The following CTNNA1 variants were observed in gnomAD, a reference collection of about 807,000 sequenced individuals.
CTNNA1 encodes the protein catenin alpha 1.
In CTNNA1, 37 loss-of-function variants were observed where a neutral mutation model predicts 98.4. That is an observed-to-expected ratio of 0.38 (90% confidence interval 0.29 to 0.49). The LOEUF (loss-of-function observed/expected upper bound fraction) is 0.49, where lower values mean the gene tolerates loss of function less well. CTNNA1 is among the 20% of genes least tolerant of loss of function. CTNNA1 has a pLI of 0.95. For missense variants in CTNNA1, 761 were observed against 1,147.2 expected, an observed-to-expected ratio of 0.66 and a Z score of 4.86; for synonymous variants, 404 against 413.2, an observed-to-expected ratio of 0.98 and a Z score of 0.27.
intron 1 of CTNNA1, among the ~76,000 whole-genome samples, chr5:138,774,771 A>G (rs1372507873): frequency 2.0e-5 from 3 of 151,930 alleles, no homozygotes; most frequent in African/African-American, 4.8e-5. Context: ...ACAGGCGCCC[A>G]CCACCGCACC....
chr5:138,855,015 A>G (rs1763598343), intron 7 of CTNNA1, among the ~76,000 whole-genome samples: 1 of 152,188 alleles, frequency 6.6e-6, no homozygotes, highest in African/African-American at 2.4e-5. Context: ...CAAACCCATG[A>G]TTGGCTTTTT....
intron 1 of CTNNA1, chr5:138,754,761 T>C (rs925867646): frequency 2.0e-5 from 3 of 152,232 alleles, no homozygotes; most frequent in African/African-American, 7.2e-5. Context: ...TCTGGACTTT[T>C]GAACAAACAT....
At chr5:138,864,185 T>C (rs1163146919) in intron 7 of CTNNA1, among the ~76,000 whole-genome samples, 1 of 152,222 alleles carries the variant, frequency 6.6e-6, no homozygotes, top group African/African-American at 2.4e-5. Context: ...CTCAAAGTCT[T>C]GACCTCAAGT....
intron 5 of CTNNA1, among the ~76,000 whole-genome samples, chr5:138,819,060 A>C (rs1387554110): frequency 1.3e-5 from 1 of 76,632 alleles, no homozygotes; most frequent in Admixed American, 1.6e-4. Context: ...AGGGCACAGC[A>C]TTGGCGTGAT....
intron 7 of CTNNA1, among the ~76,000 whole-genome samples, chr5:138,828,515 C>G (rs1241166643): frequency 1.3e-5 from 2 of 151,742 alleles, no homozygotes; most frequent in Non-Finnish European, 2.9e-5. Context: ...GACCTTGGAC[C>G]CAATATTTTA....
chr5:138,855,841 G>A (rs1359405425), intron 7 of CTNNA1, among the ~76,000 whole-genome samples: 1 of 152,312 alleles, frequency 6.6e-6, no homozygotes, highest in East Asian at 1.9e-4. Context: ...AGAAATTTGA[G>A]TTGTTAGCTA....
At chr5:138,910,226 C>CTTTTTTTTTTT (rs70982740) in intron 10 of CTNNA1, among the ~76,000 whole-genome samples, 6 of 53,232 alleles carry the variant, frequency 1.1e-4, no homozygotes, top group African/African-American at 4.7e-4. Flanking sequence ...TCCTACTTTT[C>CTTTTTTTTTTT]TTTTTTTTTT....
chr5:138,844,736 T>A (rs545493295), intron 7 of CTNNA1, among the ~76,000 whole-genome samples: 1 of 152,282 alleles, frequency 6.6e-6, no homozygotes, highest in South Asian at 2.1e-4. Flanking sequence ...ACCTATTATT[T>A]TATTATTATA....
intron 1 of CTNNA1, among the ~76,000 whole-genome samples, chr5:138,777,900 G>A (rs1466372148): frequency 1.1e-5 from 1 of 92,758 alleles, no homozygotes; most frequent in Non-Finnish European, 2.2e-5. Flanking sequence ...AGGAGGGAGA[G>A]GGAGAGGAGG....
Position 138,827,361 on chromosome 5 carries a change from G to GT in CTNNA1, c.859-153dup, listed in dbSNP as rs28363411. ...AGTGATCAACAGTAGGCCATCTTCT[G>GT]TGGGACAGCCCCTTACCTGCTAAGA... On this transcript the variant is annotated intron_variant, in intron 6 of 17. Transcript: ENST00000302763. 0.012 allele frequency among the ~76,000 whole-genome samples: 1,780 copies of GT among 152,318 alleles called. 29 individuals are homozygous for GT. The highest frequency in any genetic ancestry group is 0.041 in the African/African-American group (1,697 of 41,562).
chr5:138,767,467 C>G (rs958598269), intron 1 of CTNNA1, among the ~76,000 whole-genome samples: 1 of 152,204 alleles, frequency 6.6e-6, no homozygotes, highest in African/African-American at 2.4e-5. Context: ...GAAACAGCCT[C>G]CCTGCCCTCA....
chr5:138,931,777 A>G lies in CTNNA1; in HGVS notation c.2299-801A>G, dbSNP rs960727739. The G allele has an allele frequency of 4.1e-6, 4 of 985,410 alleles. No homozygotes were observed. In the African/African-American group the frequency reaches 7.0e-5, roughly 17 times the overall value. 61.0% of individuals were successfully genotyped at this position (985,410 alleles called of 1,614,324 possible). Reference sequence around the variant, plus strand: ...CACATGGCTCTGCCCTGCTTCCATGACTACTTAGAATACAGCTCATCTCCA... The same window carrying G: ...CACATGGCTCTGCCCTGCTTCCATGGCTACTTAGAATACAGCTCATCTCCA... On this transcript the variant is annotated intron_variant, in intron 16 of 17. Transcript: ENST00000302763.
At chr5:138,871,681 C>G (rs1210077963) in intron 7 of CTNNA1, 1 of 152,224 alleles carries the variant, frequency 6.6e-6, no homozygotes, top group Non-Finnish European at 1.5e-5. Context: ...TCCCTCACCT[C>G]TGTGCTGCCT....
intron 7 of CTNNA1, among the ~76,000 whole-genome samples, chr5:138,829,040 T>G (rs566719230): frequency 2.4e-4 from 37 of 152,092 alleles, no homozygotes; most frequent in South Asian, 1.7e-3. Flanking sequence ...AAGAATCGCT[T>G]AAGCCTGGGA....
In CTNNA1 at chr5:138,812,375, T is replaced by C. The variant is rs13154573; in HGVS notation, c.588+73T>C. 388,572 of 1,514,378 alleles carry C rather than the reference T, an allele frequency of 0.26. 54,094 individuals are homozygous for C. Among genetic ancestry groups the C allele is most frequent in the Non-Finnish European group, 0.28 (312,191 of 1,123,208 alleles). The allele number at this position is 1,514,378 out of a possible 1,614,324, so 93.8% of individuals were successfully genotyped here. ...TAGAGGGAAAAACTCATTCTGTGTG[T>C]TTTCTGAAAGTACCATTACTTACCT... On this transcript the variant is annotated intron_variant, in intron 5 of 17. Coordinates refer to ENST00000302763, the MANE Select transcript of CTNNA1 (RefSeq NM_001903.5).
At chr5:138,754,124 G>C (rs1341939670) in intron 1 of CTNNA1, 1 of 152,216 alleles carries the variant, frequency 6.6e-6, no homozygotes, top group African/African-American at 2.4e-5. Context: ...GTGGACTTTT[G>C]GCGTGACCGT....
In CTNNA1 at chr5:138,914,143, C is replaced by T. The variant is rs1172943134; in HGVS notation, c.1390-3599C>T. On this transcript the variant is annotated intron_variant, in intron 10 of 17. Transcript: ENST00000302763. ...ACTAACCTTAGGCAAGGTGCTTCCC[C>T]TCATTATACTGTATGCGATATATTA... is the stretch of plus-strand genomic sequence containing the variant. 2.2e-4 allele frequency among the ~76,000 whole-genome samples: 33 copies of T among 152,166 alleles called. 1 individual carries two copies. The highest frequency in any genetic ancestry group is 2.1e-3 in the Admixed American group (32 of 15,278).
At chr5:138,805,650 T>C (rs1216171362) in intron 3 of CTNNA1, among the ~76,000 whole-genome samples, 1 of 152,048 alleles carries the variant, frequency 6.6e-6, no homozygotes, top group Non-Finnish European at 1.5e-5. Flanking sequence ...CAGGTCTTGC[T>C]ATGTTGCCCA....
chr5:138,782,357 TCTCA>T (rs1269547989), intron 2 of CTNNA1: 5 of 472,902 alleles, frequency 1.1e-5, no homozygotes, highest in Non-Finnish European at 2.1e-5. Context: ...TGTTAAGGTC[TCTCA>T]CTCTGCTTAA....
Sources: gnomAD v4.1 joint callset for allele counts (sites outside exome capture counted in the v4.1 genomes callset) on GRCh38, gnomAD v4.1.1 for gene constraint, MANE v1.5 for transcripts, NCBI Gene and HGNC (gene_info 2026-07-23, HGNC 2026-07-21) for gene names.